Variants in MYO5C observed in about 807,000 individuals in gnomAD.
MYO5C encodes myosin VC.
A neutral mutation model predicts 235.7 loss-of-function variants in MYO5C; 194 were observed. The ratio of observed to expected loss-of-function variants is 0.82; its 90% confidence interval spans 0.73 to 0.93. The LOEUF (loss-of-function observed/expected upper bound fraction) is 0.93, where lower values mean the gene tolerates loss of function less well. Among genes scored for constraint, MYO5C ranks in the 40% least tolerant of loss-of-function variants. The pLI, the probability that MYO5C is intolerant of heterozygous loss-of-function variation, is 0.00. For missense variants in MYO5C, 2,038 were observed against 2,127.2 expected, an observed-to-expected ratio of 0.96 and a Z score of 0.82; for synonymous variants, 707 against 754.8, an observed-to-expected ratio of 0.94 and a Z score of 1.04.
At position 52,261,070 on chromosome 15, in the gene MYO5C, C is replaced by T; in HGVS notation, c.1105G>A (p.Val369Ile). Reference sequence around the variant, plus strand: ...TTGCGATTGCACAGCCACTGAGCAACTCTGCCACTCTCCAGGCCCAGGAGC... The same window carrying T: ...TTGCGATTGCACAGCCACTGAGCAATTCTGCCACTCTCCAGGCCCAGGAGC... The part of the protein sequence containing the change: ...CELLGLESGR[V>I]AQWLCNRKIV... The change falls in exon 10 of 41, where the codon GTT becomes ATT. Residue 369 changes from valine to isoleucine, a missense_variant. Physicochemically the swap from Val to Ile is conservative, Grantham distance 29 (BLOSUM62 3). Transcript: ENST00000261839. 6.2e-7 allele frequency: 1 copy of T among 1,614,234 alleles called. No homozygotes were observed. The highest frequency in any genetic ancestry group is 8.5e-7 in the Non-Finnish European group (1 of 1,180,032).
intron 8 of MYO5C, among the ~76,000 whole-genome samples, chr15:52,265,631 T>C (rs1284349403): frequency 1.3e-5 from 2 of 151,630 alleles, no homozygotes; most frequent in African/African-American, 2.4e-5. Flanking sequence ...CTCGACCTCC[T>C]AGGCTCAAGT....
chr15:52,291,807 C>A (rs1255381246), intron 1 of MYO5C, among the ~76,000 whole-genome samples: 1 of 133,086 alleles, frequency 7.5e-6, no homozygotes, highest in African/African-American at 2.9e-5. Flanking sequence ...GGCGCGATCT[C>A]GGCTCACTGC....
At position 52,260,916 on chromosome 15, in the gene MYO5C, G is replaced by A. The variant is rs764741612; in HGVS notation, c.1259C>T (p.Ala420Val). Reference sequence around the variant, plus strand: ...GTGCTGCTTGCCTGAAAACTGCAACGCTTGGTTAATTCTCTCCACAATGAA... The same window carrying A: ...GTGCTGCTTGCCTGAAAACTGCAACACTTGGTTAATTCTCTCCACAATGAA... ...FDFIVERINQ[A>V]LQFSGKQHTF... Residue 420 changes from alanine to valine, a missense_variant, in exon 10 of 41, where the codon GCG (alanine) becomes GTG (valine). Coordinates refer to ENST00000261839, the MANE Select transcript of MYO5C (RefSeq NM_018728.4). 9.9e-6 allele frequency: 16 copies of A among 1,614,050 alleles called. No homozygotes were observed. The highest frequency in any genetic ancestry group is 1.1e-5 in the South Asian group (1 of 91,090).
chr15:52,265,697 C>T (rs2036794539), intron 8 of MYO5C, among the ~76,000 whole-genome samples: 2 of 152,048 alleles, frequency 1.3e-5, no homozygotes, highest in Non-Finnish European at 2.9e-5. Context: ...CGCCACCACG[C>T]CCAGCTAATT....
chr15:52,213,093 T>C (rs777904489), intron 34 of MYO5C, 95 bp downstream of exon 34: 18 of 864,582 alleles, frequency 2.1e-5, no homozygotes, highest in Non-Finnish European at 3.3e-5. Context: ...GAAGAAAAAG[T>C]AGAAAAAGGA....
rs575669494 is a variant in MYO5C, at chr15:52,232,747, T to C, written c.2963-62A>G. ...AAATCAATGCCTTGATTGTTTCATGTTATGTTTAAGAAAGTGAGAATGTCA... is the reference window on the plus strand; with the variant it reads ...AAATCAATGCCTTGATTGTTTCATGCTATGTTTAAGAAAGTGAGAATGTCA... On this transcript the variant is annotated intron_variant, in intron 23 of 40. Transcript: ENST00000261839. The C allele has an allele frequency of 3.5e-6, 5 of 1,430,348 alleles. No homozygotes were observed. The African/African-American group carries it at 5.6e-5, about 16-fold the overall frequency. The allele number at this position is 1,430,348 out of a possible 1,614,324, so 88.6% of individuals were successfully genotyped here.
intron 24 of MYO5C, among the ~76,000 whole-genome samples, chr15:52,230,724 T>C (rs1315988915): frequency 6.7e-6 from 1 of 149,678 alleles, no homozygotes; most frequent in Non-Finnish European, 1.5e-5. Flanking sequence ...TTTCTACAGA[T>C]ATTAACGAAC....
intron 13 of MYO5C, among the ~76,000 whole-genome samples, chr15:52,250,433 G>A (rs1288850549): frequency 6.6e-6 from 1 of 151,912 alleles, no homozygotes; most frequent in East Asian, 1.9e-4. Context: ...TAGTAAAGAT[G>A]GGGTTTCGCC....
At chr15:52,210,201 C>T (rs2035415589) in intron 35 of MYO5C, among the ~76,000 whole-genome samples, 2 of 152,116 alleles carry the variant, frequency 1.3e-5, no homozygotes, top group East Asian at 1.9e-4. Flanking sequence ...TGAGCTCAAG[C>T]GATCTACCTG....
intron 18 of MYO5C, 87 bp downstream of exon 18, chr15:52,245,267 G>T: frequency 1.1e-6 from 1 of 927,490 alleles, no homozygotes; most frequent in South Asian, 1.3e-5. Flanking sequence ...TTACAGTCCT[G>T]AGCATTCAAG....
chr15:52,244,547 AAACT>A lies in MYO5C; in HGVS notation c.2195_2198del (p.Gln732LeufsTer16), dbSNP rs777242879. Reference sequence around the variant, plus strand: ...CTCTGAAGAAAATTTTGGTTTTACCAAACTGGTACTGATTAGAATCCTGGAAGAG... The same window carrying A: ...CTCTGAAGAAAATTTTGGTTTTACCAGGTACTGATTAGAATCCTGGAAGAG... On this transcript the variant is annotated frameshift_variant, in exon 19 of 41. Transcript: ENST00000261839. LOFTEE classifies it high-confidence loss of function. 1.2e-6 allele frequency: 2 copies of A among 1,612,778 alleles called. No homozygotes were observed. Among genetic ancestry groups the A allele is most frequent in the South Asian group, 2.2e-5 (2 of 91,038 alleles).
At chr15:52,198,381 C>A (rs1278871145) in intron 38 of MYO5C, among the ~76,000 whole-genome samples, 2 of 152,122 alleles carry the variant, frequency 1.3e-5, no homozygotes, top group Non-Finnish European at 2.9e-5. Flanking sequence ...ATTAGCAATG[C>A]CCCATGTGGG....
chr15:52,199,467 T>C (rs997871129), intron 38 of MYO5C, among the ~76,000 whole-genome samples: 4 of 152,124 alleles, frequency 2.6e-5, no homozygotes, highest in Admixed American at 2.0e-4. Context: ...AGCAGGTGTA[T>C]TGGGGAAGAT....
At position 52,271,862 on chromosome 15, in the gene MYO5C, G is replaced by A. The variant is rs367653312; in HGVS notation, c.751-18C>T. 6.5e-7 allele frequency: 1 copy of A among 1,549,690 alleles called. No individual in the cohort carries two copies. The highest frequency in any genetic ancestry group is 8.8e-7 in the Non-Finnish European group (1 of 1,131,024). On this transcript the variant is annotated intron_variant, in intron 6 of 40. Transcript: ENST00000261839. The stretch of plus-strand genomic sequence containing the variant: ...TTTTCCGACTGTAAGATAAAGAAAT[G>A]TCCTCAAAATTACACCAAATCCTTA...
chr15:52,253,173 T>C (rs2036508158), intron 12 of MYO5C, 144 bp downstream of exon 12: 5 of 864,398 alleles, frequency 5.8e-6, no homozygotes, highest in Middle Eastern at 7.2e-4. Context: ...GTCCCTGCTG[T>C]GGATGCTGTC....
intron 17 of MYO5C, 43 bp downstream of exon 17, chr15:52,245,913 A>G (rs1300439946): frequency 4.5e-6 from 7 of 1,546,748 alleles, no homozygotes; most frequent in Non-Finnish European, 6.3e-6. Context: ...CATAGCTCTG[A>G]TGTCAGGTAC....
At chr15:52,280,280 G>A (rs1336326265) in intron 2 of MYO5C, among the ~76,000 whole-genome samples, 2 of 152,316 alleles carry the variant, frequency 1.3e-5, no homozygotes, top group African/African-American at 4.8e-5. Context: ...CCACATGCCC[G>A]AGGGCTCACA....
At chr15:52,269,687 G>A (rs2036879360) in intron 8 of MYO5C, 66 bp downstream of exon 8, 1 of 1,083,514 alleles carries the variant, frequency 9.2e-7, no homozygotes, top group African/African-American at 1.6e-5. Flanking sequence ...CACCACGCCT[G>A]GCCTTAATTT....
chr15:52,275,417 C>A, intron 5 of MYO5C, 145 bp downstream of exon 5: 1 of 952,986 alleles, frequency 1.0e-6, no homozygotes, highest in Non-Finnish European at 1.6e-6. Flanking sequence ...CAAATCCCAC[C>A]AGCAAATAGG....
Sources: gnomAD v4.1 joint callset for allele counts (sites outside exome capture counted in the v4.1 genomes callset) on GRCh38, gnomAD v4.1.1 for gene constraint, MANE v1.5 for transcripts, NCBI Gene and HGNC (gene_info 2026-07-23, HGNC 2026-07-21) for gene names.